Variants in DLG2 observed in about 807,000 individuals in gnomAD.
DLG2 encodes discs large MAGUK scaffold protein 2.
A neutral mutation model predicts 132.5 loss-of-function variants in DLG2; 45 were observed. The ratio of observed to expected loss-of-function variants is 0.34; its 90% CI spans 0.27 to 0.44. DLG2 has a LOEUF of 0.44. DLG2 is among the 20% of genes least tolerant of loss of function. The pLI, the probability that DLG2 is intolerant of heterozygous loss-of-function variation, is 1.00. For synonymous variants in DLG2, 424 were observed against 419.6 expected, an observed-to-expected ratio of 1.01 and a Z score of -0.13; for missense variants, 1,045 against 1,196.9, an observed-to-expected ratio of 0.87 and a Z score of 1.87.
At chr11:83,825,505 T>C (rs543700447) in intron 17 of DLG2, among the ~76,000 whole-genome samples, 11 of 152,078 alleles carry the variant, frequency 7.2e-5, no homozygotes, top group Admixed American at 3.9e-4. Flanking sequence ...CTTTAACATA[T>C]ATTATACAGC....
At chr11:85,156,729 C>T (rs921033938) in intron 4 of DLG2, among the ~76,000 whole-genome samples, 4 of 152,118 alleles carry the variant, frequency 2.6e-5, no homozygotes, top group African/African-American at 4.8e-5. Flanking sequence ...CTGAACACGG[C>T]GGCACATCCA....
chr11:84,744,798 C>A (rs765508606), intron 6 of DLG2, among the ~76,000 whole-genome samples: 2 of 151,366 alleles, frequency 1.3e-5, no homozygotes, highest in Admixed American at 1.3e-4. Context: ...AGCTGTAAAG[C>A]CCACCTGCAT....
intron 4 of DLG2, among the ~76,000 whole-genome samples, chr11:85,277,371 A>G (rs2077956885): frequency 6.6e-6 from 1 of 152,308 alleles, no homozygotes; most frequent in South Asian, 2.1e-4. Flanking sequence ...AATAATAGTG[A>G]CATTTTACAG....
chr11:84,545,837 C>A (rs964889541), intron 6 of DLG2: 1 of 155,882 alleles, frequency 6.4e-6, no homozygotes, highest in Non-Finnish European at 1.4e-5. Context: ...CTCACTGCAA[C>A]CTCTGCCTCC....
At chr11:85,590,361 A>C (rs1335821664) in intron 3 of DLG2, among the ~76,000 whole-genome samples, 1 of 152,220 alleles carries the variant, frequency 6.6e-6, no homozygotes, top group Non-Finnish European at 1.5e-5. Flanking sequence ...AATATAAACA[A>C]ATACCATAGA....
intron 19 of DLG2, among the ~76,000 whole-genome samples, chr11:83,553,175 C>G (rs1382323525): frequency 6.6e-6 from 1 of 152,154 alleles, no homozygotes; most frequent in African/African-American, 2.4e-5. Flanking sequence ...ATTGCCTCAT[C>G]TTGTTTGGTC....
At chr11:83,792,259 T>C (rs1307994509) in intron 17 of DLG2, among the ~76,000 whole-genome samples, 1 of 152,208 alleles carries the variant, frequency 6.6e-6, no homozygotes, top group Non-Finnish European at 1.5e-5. Context: ...GTATATGCAT[T>C]ACTTGTTTTT....
intron 16 of DLG2, among the ~76,000 whole-genome samples, chr11:83,842,928 C>T (rs538124207): frequency 9.9e-5 from 15 of 152,172 alleles, no homozygotes; most frequent in Non-Finnish European, 2.1e-4. Context: ...GAAGTTACTC[C>T]AGTCAAATCC....
chr11:84,632,349 C>G (rs1307888294), intron 6 of DLG2, among the ~76,000 whole-genome samples: 1 of 151,418 alleles, frequency 6.6e-6, no homozygotes, highest in Non-Finnish European at 1.5e-5. Context: ...TATTTAAAAT[C>G]ACAGGTTATT....
intron 18 of DLG2, among the ~76,000 whole-genome samples, chr11:83,667,796 G>T (rs933484467): frequency 6.6e-5 from 10 of 151,780 alleles, no homozygotes; most frequent in Non-Finnish European, 1.2e-4. Context: ...TAGCTAACAC[G>T]GTGAAACCCC....
Position 83,980,500 on chromosome 11 carries a change from A to T in DLG2, c.1056+6T>A. 3 of 1,610,396 alleles carry T rather than the reference A, an allele frequency of 1.9e-6. No homozygotes were observed. Among genetic ancestry groups the T allele is most frequent in the Non-Finnish European group, 2.5e-6 (3 of 1,178,474 alleles). On this transcript the variant is annotated splice_donor_region_variant and intron_variant, in intron 12 of 27. Transcript: ENST00000376104. ...ATACACACAGTTTTGCTGGAGTCAC[A>T]CTCACCATTAGTAGTCTATCTCCTA...
chr11:84,524,634 T>A (rs900358753), intron 7 of DLG2, among the ~76,000 whole-genome samples: 1 of 152,184 alleles, frequency 6.6e-6, no homozygotes, highest in Non-Finnish European at 1.5e-5. Context: ...AGGATGATCA[T>A]CTCAGCTACT....
intron 7 of DLG2, among the ~76,000 whole-genome samples, chr11:84,469,849 G>C (rs1327699438): frequency 1.3e-5 from 2 of 151,654 alleles, no homozygotes; most frequent in Non-Finnish European, 3.0e-5. Context: ...CTGAACAACA[G>C]AGATACATTC....
At chr11:85,107,238 C>G (rs573186127) in intron 6 of DLG2, among the ~76,000 whole-genome samples, 8 of 151,990 alleles carry the variant, frequency 5.3e-5, no homozygotes, top group Non-Finnish European at 1.0e-4. Context: ...GCATTAATTT[C>G]CAGTAACTAA....
chr11:84,400,138 T>C (rs923007129), intron 7 of DLG2, among the ~76,000 whole-genome samples: 1 of 152,204 alleles, frequency 6.6e-6, no homozygotes, highest in Non-Finnish European at 1.5e-5. Context: ...GAAATTTAAA[T>C]GTAAAAATAT....
At chr11:84,835,390 T>C (rs1229281747) in intron 6 of DLG2, among the ~76,000 whole-genome samples, 1 of 151,750 alleles carries the variant, frequency 6.6e-6, no homozygotes, top group Admixed American at 6.6e-5. Context: ...AGACTCTCTA[T>C]GGCTATGATT....
intron 3 of DLG2, among the ~76,000 whole-genome samples, chr11:85,504,184 T>C (rs1350909163): frequency 6.6e-6 from 1 of 152,194 alleles, no homozygotes; most frequent in Non-Finnish European, 1.5e-5. Flanking sequence ...CTGATGGTAG[T>C]TTCTTTTGCT....
intron 7 of DLG2, among the ~76,000 whole-genome samples, chr11:84,382,967 C>T (rs558006775): frequency 6.6e-6 from 1 of 151,414 alleles, no homozygotes; most frequent in South Asian, 2.1e-4. Flanking sequence ...TCATTTATTT[C>T]CCTTCCTCTC....
chr11:85,478,593 A>G (rs1485400042), intron 3 of DLG2, among the ~76,000 whole-genome samples: 1 of 152,216 alleles, frequency 6.6e-6, no homozygotes, highest in African/African-American at 2.4e-5. Flanking sequence ...TGTGACCTTG[A>G]ACAATTTATT....
Sources: gnomAD v4.1 joint callset for allele counts (sites outside exome capture counted in the v4.1 genomes callset) on GRCh38, gnomAD v4.1.1 for gene constraint, MANE v1.5 for transcripts, NCBI Gene and HGNC (gene_info 2026-07-23, HGNC 2026-07-21) for gene names.